TMEM116: variants seen among roughly 807,000 people sequenced by gnomAD.
The protein encoded by TMEM116 is transmembrane protein 116.
A neutral mutation model predicts 44.3 loss-of-function variants in TMEM116; 38 were observed. That is an observed-to-expected ratio of 0.86 (90% CI 0.66 to 1.12). The LOEUF is 1.12. Ranked by LOEUF, TMEM116 falls within the 50% of genes most tolerant of loss-of-function variation. TMEM116 has a pLI of 0.00. For missense variants in TMEM116, 354 were observed against 401.7 expected, an observed-to-expected ratio of 0.88 and a Z score of 1.01; for synonymous variants, 132 against 144.8, an observed-to-expected ratio of 0.91 and a Z score of 0.64.
At chr12:112,000,056 T>C (rs2077166433) in intron 3 of TMEM116, among the ~76,000 whole-genome samples, 1 of 152,212 alleles carries the variant, frequency 6.6e-6, no homozygotes, top group Non-Finnish European at 1.5e-5. Context: ...TCTGGTCTCA[T>C]CATTTAGTCC....
intron 3 of TMEM116, among the ~76,000 whole-genome samples, chr12:111,994,470 C>T (rs376409308): frequency 2.6e-5 from 4 of 152,184 alleles, no homozygotes; most frequent in African/African-American, 7.2e-5. Context: ...CCTGTGATGC[C>T]GCCAATGCAC....
At chr12:111,992,190 A>C (rs2076648533) in intron 3 of TMEM116, among the ~76,000 whole-genome samples, 2 of 152,168 alleles carry the variant, frequency 1.3e-5, no homozygotes, top group South Asian at 4.1e-4. Context: ...AAAGAGTGGA[A>C]AGATGAGAAA....
At chr12:111,991,925 T>A in intron 3 of TMEM116, 36 bp from the exon 4 acceptor site, 1 of 1,524,836 alleles carries the variant, frequency 6.6e-7, no homozygotes, top group Non-Finnish European at 8.8e-7. Flanking sequence ...TCATATGTGA[T>A]GTAGCTAGGA....
chr12:111,933,822 T>A lies in TMEM116; in HGVS notation c.733+64A>T, dbSNP rs568821928. ...CAGCCATCCTTCTTAGTGAGACCAC[T>A]TTGCTTGATCAGAACCTAATAACTG... On this transcript the variant is annotated intron_variant, in intron 9 of 10. Coordinates refer to ENST00000552374, the MANE Select transcript of TMEM116 (RefSeq NM_001193531.2). 509 of 1,593,128 alleles carry A rather than the reference T, an allele frequency of 3.2e-4. 2 individuals carry two copies. The South Asian group carries it at 5.4e-3, about 17-fold the overall frequency.
At chr12:111,941,104 G>A (rs1164436048) in intron 5 of TMEM116, among the ~76,000 whole-genome samples, 2 of 152,266 alleles carry the variant, frequency 1.3e-5, no homozygotes, top group African/African-American at 2.4e-5. Context: ...TAGGCCGGGC[G>A]CGTTGGCTCA....
At chr12:111,937,037 C>G in intron 7 of TMEM116, 123 bp downstream of exon 7, 1 of 1,060,594 alleles carries the variant, frequency 9.4e-7, no homozygotes, top group Non-Finnish European at 1.4e-6. Flanking sequence ...CATCTTGTTC[C>G]TTAGCCCATT....
chr12:112,005,475 G>T, intron 1 of TMEM116, 172 bp from the exon 2 acceptor site: 1 of 501,020 alleles, frequency 2.0e-6, no homozygotes, highest in Non-Finnish European at 3.1e-6. Context: ...GGAAAGACAA[G>T]GTGCTCCTTT....
At chr12:111,947,872 C>T (rs1383478917) in intron 4 of TMEM116, among the ~76,000 whole-genome samples, 2 of 152,116 alleles carry the variant, frequency 1.3e-5, no homozygotes, top group African/African-American at 2.4e-5. Flanking sequence ...AAATTAGTTA[C>T]ATGAGATTAA....
chr12:111,969,929 G>A (rs1820785400), intron 4 of TMEM116, among the ~76,000 whole-genome samples: 1 of 152,032 alleles, frequency 6.6e-6, no homozygotes, highest in African/African-American at 2.4e-5. Context: ...ATAAGACATT[G>A]CAGAAGAAAA....
intron 2 of TMEM116, 48 bp from the exon 3 acceptor site, chr12:112,003,911 G>A: frequency 7.0e-7 from 1 of 1,427,152 alleles, no homozygotes; most frequent in South Asian, 1.5e-5. Flanking sequence ...ACAATGGAGT[G>A]CCATCGTTTT....
intron 4 of TMEM116, among the ~76,000 whole-genome samples, chr12:111,957,503 GC>G (rs1415137969): frequency 4.0e-5 from 6 of 149,070 alleles, no homozygotes; most frequent in Admixed American, 1.3e-4. Flanking sequence ...GGGGGGCAGC[GC>G]CCCCCTGGCC....
chr12:111,937,091 T>C, intron 7 of TMEM116, 69 bp downstream of exon 7: 3 of 1,424,772 alleles, frequency 2.1e-6, no homozygotes, highest in Non-Finnish European at 3.0e-6. Flanking sequence ...AAAGTCTTTT[T>C]CCAGCTCTAT....
chr12:111,998,248 G>A (rs771196443), intron 3 of TMEM116, among the ~76,000 whole-genome samples: 4 of 152,178 alleles, frequency 2.6e-5, no homozygotes, highest in African/African-American at 7.2e-5. Context: ...CTAGTCCTAA[G>A]AGACAGGGCA....
rs1480075463 is a variant in TMEM116 at position 111,933,980 on chromosome 12, AGTTGACTTCACAAAC to A, written c.624_638del (p.Lys208_Thr213delinsAsn). 6.2e-7 allele frequency: 1 copy of A among 1,614,092 alleles called. No individual in the cohort carries two copies. Among genetic ancestry groups the A allele is most frequent in the African/African-American group, 1.3e-5 (1 of 74,932 alleles). ...CCCACTGTTCACTCCCCAGAAAGCC[AGTTGACTTCACAAAC>A]TTCTTATACAATGTCTGGGCTCGGA... On this transcript the variant is annotated inframe_deletion, in exon 9 of 11. Transcript: ENST00000552374.
intron 5 of TMEM116, among the ~76,000 whole-genome samples, chr12:111,940,416 G>A (rs2072630097): frequency 6.8e-6 from 1 of 147,352 alleles, no homozygotes; most frequent in South Asian, 2.1e-4. Context: ...AGGCTGGAGT[G>A]CAGTGGTATG....
At chr12:111,990,758 T>C (rs538358421) in intron 4 of TMEM116, among the ~76,000 whole-genome samples, 1 of 152,308 alleles carries the variant, frequency 6.6e-6, no homozygotes, top group African/African-American at 2.4e-5. Flanking sequence ...GTAAAATTCA[T>C]AAAAGATATA....
intron 3 of TMEM116, among the ~76,000 whole-genome samples, chr12:111,994,528 T>C (rs1197238912): frequency 6.6e-6 from 1 of 152,046 alleles, no homozygotes; most frequent in Non-Finnish European, 1.5e-5. Flanking sequence ...CGGGGGTAGG[T>C]TAGTGAGGGA....
rs79899348 is a variant in TMEM116, at chr12:111,986,889, T to A, written c.210+4869A>T. Among the ~76,000 whole-genome samples the A allele has an allele frequency of 2.0e-4, 30 of 152,232 alleles. No individual in the cohort carries two copies. The East Asian group carries it at 5.8e-3, about 29-fold the overall frequency. On this transcript the variant is annotated intron_variant, in intron 4 of 10. Transcript: ENST00000552374. Reference sequence around the variant, plus strand: ...AGTTGGACCCTTACTTTACACCACATATGAAAATCTACAAATAGATCAAAG... The same window carrying A: ...AGTTGGACCCTTACTTTACACCACAAATGAAAATCTACAAATAGATCAAAG...
At chr12:111,985,924 A>G (rs1009301393) in intron 4 of TMEM116, among the ~76,000 whole-genome samples, 2 of 152,100 alleles carry the variant, frequency 1.3e-5, no homozygotes, top group Admixed American at 6.6e-5. Flanking sequence ...TAAGATGTTC[A>G]ATACTACCCT....
Sources: allele counts gnomAD v4.1 joint callset (sites outside exome capture counted in the v4.1 genomes callset), GRCh38; gene constraint gnomAD v4.1.1; transcripts MANE v1.5; gene names NCBI Gene and HGNC (gene_info 2026-07-23, HGNC 2026-07-21).